Variants in BPIFA2 observed in about 807,000 individuals in gnomAD.
The protein encoded by BPIFA2 is BPI fold containing family A member 2.
A neutral mutation model predicts 25.7 loss-of-function variants in BPIFA2; 20 were observed. That is an observed-to-expected ratio of 0.78 (90% CI 0.55 to 1.13). BPIFA2 has a LOEUF of 1.13. Among genes scored for constraint, BPIFA2 ranks in the 50% most tolerant of loss-of-function variants. The pLI is 0.00. For missense variants in BPIFA2, 300 were observed against 298.1 expected (o/e 1.01, Z -0.05); for synonymous variants, 126 against 124.3 (o/e 1.01, Z -0.09).
rs1438599380 is a variant in BPIFA2, at chr20:33,174,173, G to A, written c.397G>A (p.Val133Ile). ...CCTGAGCTTCCCTGTCACCGCGAAT[G>A]TCACTGTGGCCGGGTGAGTATGCAC... is the stretch of plus-strand genomic sequence containing the variant. ...LNLSFPVTAN[V>I]TVAGPIIGQI... Residue 133 changes from valine (V) to isoleucine (I), a missense_variant, in exon 4 of 9, where the codon GTC (valine) becomes ATC (isoleucine). Val to Ile is a conservative substitution (Grantham distance 29, BLOSUM62 3). Transcript: ENST00000354932. 2.5e-6 allele frequency: 4 copies of A among 1,614,120 alleles called. No homozygotes were observed. In the South Asian group the frequency reaches 4.4e-5, roughly 18 times the overall value.
intron 7 of BPIFA2, 22 bp from the exon 8 acceptor site, chr20:33,180,498 G>GCAAT: frequency 1.9e-6 from 3 of 1,609,580 alleles, no homozygotes; most frequent in Non-Finnish European, 2.6e-6. Flanking sequence ...ACTAAGGCCT[G>GCAAT]CTATTGATTT....
intron 7 of BPIFA2, 89 bp downstream of exon 7, chr20:33,179,756 G>A (rs1984210543): frequency 7.7e-7 from 1 of 1,300,806 alleles, no homozygotes; most frequent in South Asian, 1.2e-5. Flanking sequence ...GGACCCTGGA[G>A]AAGCAGAAGG....
chr20:33,173,015 G>A lies in BPIFA2; in HGVS notation c.241G>A (p.Ala81Thr). 2 of 1,614,102 alleles carry A rather than the reference G, an allele frequency of 1.2e-6. No individual in the cohort carries two copies. Among genetic ancestry groups the A allele is most frequent in the Non-Finnish European group, 1.7e-6 (2 of 1,180,018 alleles). Reference sequence around the variant, plus strand: ...ACTGGCCAAGCAGAAGGCCCAGGAAGCTGAGAAATTGCTGAACAATGTCAT... The same window carrying A: ...ACTGGCCAAGCAGAAGGCCCAGGAAACTGAGAAATTGCTGAACAATGTCAT... ...WQLAKQKAQE[A>T]EKLLNNVISK... Residue 81 changes from alanine (A) to threonine (T), a missense_variant, in exon 3 of 9, where the codon GCT becomes ACT. Physicochemically the swap from Ala to Thr is moderately conservative, Grantham distance 58. Transcript: ENST00000354932.
chr20:33,178,492 A>G (rs1447579217), intron 6 of BPIFA2, among the ~76,000 whole-genome samples: 1 of 152,206 alleles, frequency 6.6e-6, no homozygotes, highest in Non-Finnish European at 1.5e-5. Flanking sequence ...TGTAGCTAAC[A>G]TCTTCAACAC....
At chr20:33,168,129 A>G (rs982256881), upstream of BPIFA2, 3 of 137,844 alleles carry the variant, frequency 2.2e-5, no homozygotes, top group Non-Finnish European at 4.9e-5. Flanking sequence ...TCTCCACCAT[A>G]TAATAGCCGC....
At chr20:33,172,875 G>A in intron 2 of BPIFA2, 57 bp from the exon 3 acceptor site, 2 of 1,572,026 alleles carry the variant, frequency 1.3e-6, no homozygotes, top group Non-Finnish European at 1.7e-6. Flanking sequence ...GGTACCTGGA[G>A]CATCGTAGCT....
intron 2 of BPIFA2, among the ~76,000 whole-genome samples, chr20:33,169,885 C>T (rs1182744204): frequency 6.6e-6 from 1 of 152,162 alleles, no homozygotes; most frequent in Non-Finnish European, 1.5e-5. Flanking sequence ...CCCTACCTAG[C>T]CTTGGTATCT....
At chr20:33,170,478 C>T in intron 2 of BPIFA2, among the ~76,000 whole-genome samples, 1 of 152,210 alleles carries the variant, frequency 6.6e-6, no homozygotes, top group East Asian at 1.9e-4. Context: ...CTGCCAGCCT[C>T]AACCTCCTGG....
At chr20:33,166,466 C>T (rs1983728409), upstream of BPIFA2, among the ~76,000 whole-genome samples, 1 of 152,198 alleles carries the variant, frequency 6.6e-6, no homozygotes, top group Admixed American at 6.5e-5. Context: ...GCATCATGGG[C>T]CTACCCTATG....
At chr20:33,173,678 A>G (rs1983979373) in intron 3 of BPIFA2, among the ~76,000 whole-genome samples, 1 of 152,082 alleles carries the variant, frequency 6.6e-6, no homozygotes, top group Non-Finnish European at 1.5e-5. Context: ...CTAATTTTGT[A>G]TATTTAGTAG....
At chr20:33,179,692 C>T (rs149898381) in intron 7 of BPIFA2, 25 bp downstream of exon 7, 3 of 1,584,620 alleles carry the variant, frequency 1.9e-6, no homozygotes, top group Non-Finnish European at 2.6e-6. Context: ...AAGTGGGGAC[C>T]TTCTGAGGCA....
intron 5 of BPIFA2, among the ~76,000 whole-genome samples, chr20:33,177,520 C>T (rs927338039): frequency 7.9e-5 from 12 of 152,170 alleles, no homozygotes; most frequent in African/African-American, 2.9e-4. Flanking sequence ...TGTGAAATGA[C>T]ACCACTCTAC....
In BPIFA2 at chr20:33,174,129, A is replaced by G. The variant is rs1288597980; in HGVS notation, c.353A>G (p.Asp118Gly). ...LILDVKAEPI[D>G]DGKGLNLSFP... ...CTGGATGTCAAAGCTGAACCGATCG[A>G]TGATGGCAAAGGCCTTAACCTGAGC... The change falls in exon 4 of 9, where the codon GAT becomes GGT. Residue 118 changes from aspartate (D) to glycine (G), a missense_variant. Coordinates refer to ENST00000354932, the MANE Select transcript of BPIFA2 (RefSeq NM_080574.4). 2 of 1,614,086 alleles carry G rather than the reference A, an allele frequency of 1.2e-6. No homozygotes were observed. Among genetic ancestry groups the G allele is most frequent in the African/African-American group, 1.3e-5 (1 of 74,920 alleles).
At chr20:33,162,813 C>T (rs1247651425) in intron 1 of BPIFA2, among the ~76,000 whole-genome samples, 2 of 152,198 alleles carry the variant, frequency 1.3e-5, no homozygotes, top group African/African-American at 2.4e-5. Context: ...CATCATTTGT[C>T]TTCTACATGA....
chr20:33,177,801 G>A (rs1016642239), intron 5 of BPIFA2, among the ~76,000 whole-genome samples: 2 of 152,178 alleles, frequency 1.3e-5, no homozygotes, highest in African/African-American at 2.4e-5. Flanking sequence ...GACCCTTAAT[G>A]TTTAGGTACC....
upstream of BPIFA2, among the ~76,000 whole-genome samples, chr20:33,166,866 T>G (rs757110173): frequency 1.3e-5 from 2 of 152,242 alleles, no homozygotes; most frequent in African/African-American, 4.8e-5. Context: ...TGGGACAAAC[T>G]GCCTTCACAA....
chr20:33,175,668 G>C, intron 5 of BPIFA2, 109 bp downstream of exon 5: 19 of 1,219,158 alleles, frequency 1.6e-5, no homozygotes, highest in Non-Finnish European at 2.2e-5. Context: ...AAGTGTTCAG[G>C]CTCTGGAGTC....
chr20:33,179,814 C>T, intron 7 of BPIFA2, 147 bp downstream of exon 7: 1 of 784,814 alleles, frequency 1.3e-6, no homozygotes, highest in South Asian at 1.6e-5. Context: ...CCTCCACAGG[C>T]ACCCGGGGGC....
intron 6 of BPIFA2, among the ~76,000 whole-genome samples, chr20:33,179,340 G>C (rs1984191230): frequency 6.6e-6 from 1 of 150,910 alleles, no homozygotes. Context: ...TGAGGCAGGA[G>C]AATCACTTGA....
Sources: allele counts gnomAD v4.1 joint callset (sites outside exome capture counted in the v4.1 genomes callset), GRCh38; gene constraint gnomAD v4.1.1; transcripts MANE v1.5; gene names NCBI Gene and HGNC (gene_info 2026-07-23, HGNC 2026-07-21).